Variants in IL4 observed in about 807,000 individuals in gnomAD.
IL4 encodes interleukin 4, also known as interleukin-4.
Under a neutral mutation model 17.4 loss-of-function variants are expected in IL4, and 10 were observed. The ratio of observed to expected loss-of-function variants is 0.57; its 90% CI spans 0.35 to 0.97. The LOEUF (loss-of-function observed/expected upper bound fraction) is 0.97. Ranked by LOEUF, IL4 falls within the 50% of genes least tolerant of loss-of-function variation. The probability of loss-of-function intolerance (pLI) is 0.01; values close to 1 mark genes in which losing one functional copy is unlikely to be tolerated. For synonymous variants in IL4, 87 were observed against 79.0 expected, an observed-to-expected ratio of 1.10 and a Z score of -0.54; for missense variants, 174 against 187.7, an observed-to-expected ratio of 0.93 and a Z score of 0.43.
In IL4 at chr5:132,682,671, G is replaced by T; in HGVS notation, c.*84G>T. On this transcript the variant is annotated 3_prime_UTR_variant, in exon 4 of 4. Transcript: ENST00000231449. Reference sequence around the variant, plus strand: ...CTCATCATAAAATAAAGTATATATAGAATCTAACAGCAATGGCATTTAATG... The same window carrying T: ...CTCATCATAAAATAAAGTATATATATAATCTAACAGCAATGGCATTTAATG... 1.6e-6 allele frequency: 1 copy of T among 636,702 alleles called. No homozygotes were observed. 39.4% of individuals were successfully genotyped at this position (636,702 alleles called of 1,614,324 possible).
chr5:132,674,349 T>G (rs976366776), intron 1 of IL4, 110 bp from the exon 2 acceptor site: 1 of 1,371,628 alleles, frequency 7.3e-7, no homozygotes, highest in African/African-American at 1.4e-5. Context: ...TTCTGAGGGT[T>G]TGTAGGAAGT....
At chr5:132,677,493 C>T (rs1752402385) in intron 2 of IL4, among the ~76,000 whole-genome samples, 1 of 152,210 alleles carries the variant, frequency 6.6e-6, no homozygotes, top group South Asian at 2.1e-4. Flanking sequence ...GCAACTAAAA[C>T]GTTAAGGCCT....
In IL4 at chr5:132,682,637, T is replaced by C; in HGVS notation, c.*50T>C. On this transcript the variant is annotated 3_prime_UTR_variant, in exon 4 of 4. Coordinates refer to ENST00000231449, the MANE Select transcript of IL4 (RefSeq NM_000589.4). ...TAGCTTTATTTTTTAAGTATTTATA[T>C]ATTTATAACTCATCATAAAATAAAG... The C allele has an allele frequency of 1.2e-6, 1 of 868,970 alleles. No homozygotes were observed. The highest frequency in any genetic ancestry group is 1.8e-6 in the Non-Finnish European group (1 of 558,338). The allele number at this position is 868,970 out of a possible 1,614,324, so 53.8% of individuals were successfully genotyped here. A position where few individuals can be genotyped will look rare whatever the true frequency, so the allele number is the denominator to read the frequency against.
At chr5:132,679,382 C>T (rs1468708098) in intron 2 of IL4, among the ~76,000 whole-genome samples, 5 of 152,158 alleles carry the variant, frequency 3.3e-5, no homozygotes. Flanking sequence ...TGGGCTGTAG[C>T]GACAGATGGT....
rs56279116 is a variant in IL4 at position 132,674,480 on chromosome 5, G to A, written c.157G>A (p.Val53Ile). ...CAAGACTCTGTGCACCGAGTTGACC[G>A]TAACAGACATCTTTGCTGCCTCCAA... ...EQKTLCTELT[V>I]TDIFAASKNT... is the part of the protein sequence containing the mutation. Residue 53 changes from valine to isoleucine, a missense_variant, in exon 2 of 4, where the codon GTA becomes ATA. Coordinates refer to ENST00000231449, the MANE Select transcript of IL4 (RefSeq NM_000589.4). 704 of 1,614,096 alleles carry A rather than the reference G, an allele frequency of 4.4e-4. 8 individuals carry two copies. The East Asian group carries it at 0.014, about 31-fold the overall frequency.
chr5:132,675,034 C>T (rs734244), intron 2 of IL4, among the ~76,000 whole-genome samples: 41,589 of 151,948 alleles, frequency 0.27, 7,501 homozygotes, highest in East Asian at 0.77. Context: ...CAGAGCTCCT[C>T]AGCTTGCTCT....
intron 2 of IL4, among the ~76,000 whole-genome samples, chr5:132,675,473 GC>G (rs11479198): frequency 0.27 from 41,430 of 151,800 alleles, 7,425 homozygotes; most frequent in East Asian, 0.77. Flanking sequence ...TGCTCTTCGG[GC>G]CTTTAGCTGG....
chr5:132,682,580 C>T lies in IL4; in HGVS notation c.455C>T (p.Ser152Leu), dbSNP rs550558636. ...ATGAGAGAGAAATATTCAAAGTGTT[C>T]GAGCTGAATATTTTAATTTATGAGT... ...TIMREKYSKC[S>L]S The change falls in exon 4 of 4, where the codon TCG (serine) becomes TTG (leucine). Residue 152 changes from serine (S) to leucine (L), a missense_variant. Physicochemically the swap from Ser to Leu is moderately radical, Grantham distance 145. Transcript: ENST00000231449. 14 of 1,564,718 alleles carry T rather than the reference C, an allele frequency of 8.9e-6. No individual in the cohort carries two copies. Among genetic ancestry groups the T allele is most frequent in the South Asian group, 4.6e-5 (4 of 87,138 alleles).
At chr5:132,678,451 A>G (rs1403903131) in intron 2 of IL4, among the ~76,000 whole-genome samples, 2 of 152,214 alleles carry the variant, frequency 1.3e-5, no homozygotes, top group Non-Finnish European at 2.9e-5. Flanking sequence ...GAGTGAATGT[A>G]TTTTTGTTGA....
chr5:132,680,067 G>C lies in IL4; in HGVS notation c.360+177G>C, dbSNP rs546082956. Among the ~76,000 whole-genome samples, 1 of 152,250 alleles carries C rather than the reference G, an allele frequency of 6.6e-6. No individual in the cohort carries two copies. The highest frequency in any genetic ancestry group is 1.9e-4 in the East Asian group (1 of 5,180). On this transcript the variant is annotated intron_variant, in intron 3 of 3. Transcript: ENST00000231449. This position sits in a 1 kb window ranked among gnomAD's most constrained non-coding sequence, Gnocchi z 4.3. Reference sequence around the variant, plus strand: ...GCTGGGTGTGGTTCTAGGTGCTGAGGACGTGTCACTAAAGACACGCAGGCC... The same window carrying C: ...GCTGGGTGTGGTTCTAGGTGCTGAGCACGTGTCACTAAAGACACGCAGGCC...
In IL4 at chr5:132,674,072, C is replaced by T; in HGVS notation, c.22C>T (p.Leu8Phe). ...ATTAATGGGTCTCACCTCCCAACTG[C>T]TTCCCCCTCTGTTCTTCCTGCTAGC... MGLTSQLLPPLFFLLACA... is the reference protein window; with the variant it reads MGLTSQLFPPLFFLLACA... Residue 8 changes from leucine to phenylalanine, a missense_variant, in exon 1 of 4, where the codon CTT (leucine) becomes TTT (phenylalanine). Transcript: ENST00000231449. The T allele has an allele frequency of 6.2e-7, 1 of 1,614,190 alleles. No individual in the cohort carries two copies. Among genetic ancestry groups the T allele is most frequent in the Non-Finnish European group, 8.5e-7 (1 of 1,180,018 alleles).
At chr5:132,679,918 C>T (rs200790400) in intron 3 of IL4, 28 bp downstream of exon 3, 15 of 1,583,026 alleles carry the variant, frequency 9.5e-6, no homozygotes, top group East Asian at 2.3e-5. Flanking sequence ...CCTGGCAAGC[C>T]GGCCGCGTGG....
At position 132,680,567 on chromosome 5, in the gene IL4, G is replaced by A. The variant is rs1312959648; in HGVS notation, c.360+677G>A. On this transcript the variant is annotated intron_variant, in intron 3 of 3. Transcript: ENST00000231449. The surrounding 1 kb of genome is among the most constrained non-coding windows in gnomAD (Gnocchi z 4.3). ...CTGGCTACTGTGTGGTAAATAGGCT[G>A]AAAGGGGGAAAGCATAGAAGCAAGA... Among the ~76,000 whole-genome samples the A allele has an allele frequency of 1.3e-5, 2 of 152,214 alleles. No individual in the cohort carries two copies. The highest frequency in any genetic ancestry group is 2.9e-5 in the Non-Finnish European group (2 of 68,044).
intron 3 of IL4, among the ~76,000 whole-genome samples, chr5:132,681,284 G>A (rs756404871): frequency 5.3e-5 from 8 of 152,136 alleles, no homozygotes; most frequent in African/African-American, 1.4e-4. Flanking sequence ...GAGAGTGGGC[G>A]GTACCCCAGG....
At chr5:132,675,929 A>ATG (rs2234664) in intron 2 of IL4, among the ~76,000 whole-genome samples, 4,397 of 140,700 alleles carry the variant, frequency 0.031, 91 homozygotes, top group Non-Finnish European at 0.043. Flanking sequence ...GTGTATGTAT[A>ATG]TGTGTGTGTG....
intron 3 of IL4, among the ~76,000 whole-genome samples, chr5:132,681,687 A>T (rs563823008): frequency 6.6e-6 from 1 of 152,268 alleles, no homozygotes; most frequent in African/African-American, 2.4e-5. Flanking sequence ...AGGAAGAATC[A>T]TTAGGGGGCA....
rs566425035 is a variant in IL4, at chr5:132,681,667, G to A, written c.361-819G>A. Among the ~76,000 whole-genome samples, 40 of 152,302 alleles carry A rather than the reference G, an allele frequency of 2.6e-4. No individual in the cohort carries two copies. In the South Asian group the frequency reaches 5.4e-3, roughly 21 times the overall value. On this transcript the variant is annotated intron_variant, in intron 3 of 3. Transcript: ENST00000231449. ...CCAGTGGAGCAGGAAGAACTGAAGA[G>A]AGCAGAAAGAGGAAGAATCATTAGG...
chr5:132,680,071 TGTCACTAAAGACACGCAGGCCGA>T lies in IL4; in HGVS notation c.360+185_360+207del, dbSNP rs534434292. On this transcript the variant is annotated intron_variant, in intron 3 of 3. Coordinates refer to ENST00000231449, the MANE Select transcript of IL4 (RefSeq NM_000589.4). This position sits in a 1 kb window ranked among gnomAD's most constrained non-coding sequence, Gnocchi z 4.3. The stretch of plus-strand genomic sequence containing the variant: ...GGTGTGGTTCTAGGTGCTGAGGACG[TGTCACTAAAGACACGCAGGCCGA>T]GTCCCTGTTCTCATGGAATGTTCTA... Among the ~76,000 whole-genome samples the T allele has an allele frequency of 2.8e-3, 434 of 152,286 alleles. 1 individual carries two copies. Among genetic ancestry groups the T allele is most frequent in the African/African-American group, 0.01 (418 of 41,554 alleles).
chr5:132,677,641 T>C (rs1375253320), intron 2 of IL4: 3 of 152,236 alleles, frequency 2.0e-5, no homozygotes, highest in Non-Finnish European at 1.5e-5. Context: ...TCCTATACTA[T>C]GTGGCCATAT....
Sources: gnomAD v4.1 joint callset for allele counts (sites outside exome capture counted in the v4.1 genomes callset) on GRCh38, gnomAD v4.1.1 for gene constraint, Gnocchi (gnomAD v3.1) non-coding constraint, MANE v1.5 for transcripts, NCBI Gene and HGNC (gene_info 2026-07-23, HGNC 2026-07-21) for gene names.